The following BSX variants were observed in gnomAD, a reference collection of about 807,000 sequenced individuals.
The protein encoded by BSX is brain specific homeobox, also known as brain-specific homeobox protein homolog.
BSX carries 12 observed loss-of-function variants against 16.9 expected under a neutral mutation model. That is an observed-to-expected ratio of 0.71 (90% CI 0.46 to 1.15). The LOEUF (loss-of-function observed/expected upper bound fraction) is 1.15, where lower values mean the gene tolerates loss of function less well. BSX is among the 50% of genes most tolerant of loss of function. The pLI is 0.00. For synonymous variants in BSX, 160 were observed against 136.4 expected, an observed-to-expected ratio of 1.17 and a Z score of -1.20; for missense variants, 292 against 311.8, an observed-to-expected ratio of 0.94 and a Z score of 0.48.
chr11:122,980,066 T>C (rs934302896), intron 1 of BSX, among the ~76,000 whole-genome samples: 2 of 152,172 alleles, frequency 1.3e-5, no homozygotes, highest in Non-Finnish European at 2.9e-5. Flanking sequence ...AGAGGAGCAT[T>C]TCTCGCCTCT....
rs1267082549 is a variant in BSX, at chr11:122,977,954, T to C, written c.460-63A>G. ...CTCCAAATCTGAGCCATCGCTGGGG[T>C]TTAGGAAAATGGGCTGCAGTCCGTT... On this transcript the variant is annotated intron_variant, in intron 2 of 2. Transcript: ENST00000343035. This position sits in a 1 kb window ranked among gnomAD's most constrained non-coding sequence, Gnocchi z 4.5. 7 of 1,594,724 alleles carry C rather than the reference T, an allele frequency of 4.4e-6. No homozygotes were observed. The highest frequency in any genetic ancestry group is 6.0e-6 in the Non-Finnish European group (7 of 1,172,856).
In BSX at chr11:122,977,785, G is replaced by C. The variant is rs765993014; in HGVS notation, c.566C>G (p.Pro189Arg). ...GGCGGTGGCGGCCTCTGAACCGCGG[G>C]GGCTGCCCTCGGGGCTTTCTGGCCC... ...PDGPESPEGS[P>R]RGSEAATAAE... The change falls in exon 3 of 3, where the codon CCC becomes CGC. Residue 189 changes from proline to arginine, a missense_variant. Around this residue, in one of 3 missense-constraint regions of BSX, gnomAD observed 107 missense variants for 97.1 expected, o/e 1.10. Coordinates refer to ENST00000343035, the MANE Select transcript of BSX (RefSeq NM_001098169.2). The surrounding 1 kb of genome is among the most constrained non-coding windows in gnomAD (Gnocchi z 4.5). The C allele has an allele frequency of 9.9e-6, 16 of 1,613,592 alleles. No individual in the cohort carries two copies. In the East Asian group the frequency reaches 1.6e-4, roughly 16 times the overall value.
intron 1 of BSX, among the ~76,000 whole-genome samples, chr11:122,980,471 G>C (rs192745653): frequency 1.3e-5 from 2 of 152,224 alleles, no homozygotes; most frequent in East Asian, 3.9e-4. Flanking sequence ...TTTTAGCTTT[G>C]TTCTGGATTC....
At chr11:122,978,751 A>T (rs1864528362) in intron 2 of BSX, among the ~76,000 whole-genome samples, 1 of 147,328 alleles carries the variant, frequency 6.8e-6, no homozygotes, top group Non-Finnish European at 1.5e-5. Context: ...GGTAAGTATG[A>T]CATGGGGTTG....
Position 122,981,786 on chromosome 11 carries a change from G to T in BSX, c.-115C>A. The T allele has an allele frequency of 8.9e-7, 1 of 1,128,598 alleles. No homozygotes were observed. The highest frequency in any genetic ancestry group is 1.2e-6 in the Non-Finnish European group (1 of 812,944). The allele number at this position is 1,128,598 out of a possible 1,614,324, so 69.9% of individuals were successfully genotyped here. A position where few individuals can be genotyped will look rare whatever the true frequency, so the allele number is the denominator to read the frequency against. On this transcript the variant is annotated 5_prime_UTR_variant, in exon 1 of 3. Transcript: ENST00000343035. ...ACCCTCCGAGGCTCGAATCTCCGCT[G>T]CTCTCTCCCGGGCCTGGGCTACCCC...
intron 1 of BSX, among the ~76,000 whole-genome samples, chr11:122,980,825 G>A (rs1053024124): frequency 6.6e-6 from 1 of 152,096 alleles, no homozygotes; most frequent in Non-Finnish European, 1.5e-5. Flanking sequence ...TTGAGGATGC[G>A]GAGGGTTAAA....
chr11:122,977,754 C>G lies in BSX; in HGVS notation c.597G>C (p.Glu199Asp). The change falls in exon 3 of 3, where the codon GAG (glutamate) becomes GAC (aspartate). Residue 199 changes from glutamate (E) to aspartate (D), a missense_variant. Coordinates refer to ENST00000343035, the MANE Select transcript of BSX (RefSeq NM_001098169.2). This position sits in a 1 kb window ranked among gnomAD's most constrained non-coding sequence, Gnocchi z 4.5. ...GACCGGCGGGCAGGCTCAGCCGAGC[C>G]TCGGCGGCGGTGGCGGCCTCTGAAC... is the stretch of plus-strand genomic sequence containing the variant. ...PRGSEAATAA[E>D]ARLSLPAGPF... 1 of 1,612,262 alleles carries G rather than the reference C, an allele frequency of 6.2e-7. No individual in the cohort carries two copies. The highest frequency in any genetic ancestry group is 2.2e-5 in the East Asian group (1 of 44,846).
intron 1 of BSX, 76 bp from the exon 2 acceptor site, chr11:122,979,533 C>G (rs1478604490): frequency 1.5e-6 from 2 of 1,339,846 alleles, no homozygotes; most frequent in Non-Finnish European, 2.0e-6. Context: ...CCCCTCCCCT[C>G]CCCTAGCCCC....
intron 1 of BSX, 50 bp from the exon 2 acceptor site, chr11:122,979,507 C>G (rs1465724594): frequency 1.3e-6 from 2 of 1,510,318 alleles, no homozygotes; most frequent in South Asian, 2.4e-5. Context: ...CGCCGGAGAG[C>G]AATCTCCGCT....
In BSX at chr11:122,981,431, G is replaced by A; in HGVS notation, c.241C>T (p.Pro81Ser). 1 of 1,549,890 alleles carries A rather than the reference G, an allele frequency of 6.5e-7. No individual in the cohort carries two copies. The highest frequency in any genetic ancestry group is 8.7e-7 in the Non-Finnish European group (1 of 1,143,796). ...TTACCCGAGGTGGTGAGGAAATAAG[G>A]ATGATGGTGGTCTCCCTTATGCAGA... Reference protein sequence around the residue: ...HPLHKGDHHHPYFLTTSGMPV... With the variant: ...HPLHKGDHHHSYFLTTSGMPV... The change falls in exon 1 of 3, where the codon CCT (proline) becomes TCT (serine). Residue 81 changes from proline to serine, a missense_variant. Physicochemically the swap from Pro to Ser is moderately conservative, Grantham distance 74. Transcript: ENST00000343035.
At chr11:122,981,308 G>A (rs1358946451) in intron 1 of BSX, 102 bp downstream of exon 1, 3 of 1,201,708 alleles carry the variant, frequency 2.5e-6, no homozygotes, top group Admixed American at 3.0e-5. Context: ...ACCAAGCCAG[G>A]CCGAGCCAGT....
At chr11:122,978,385 A>G (rs542906139) in intron 2 of BSX, among the ~76,000 whole-genome samples, 7 of 152,204 alleles carry the variant, frequency 4.6e-5, no homozygotes, top group African/African-American at 1.7e-4. Flanking sequence ...TTGAGGTTGC[A>G]GGTGAATAGC....
At chr11:122,978,995 G>A (rs1864534466) in intron 2 of BSX, among the ~76,000 whole-genome samples, 2 of 151,568 alleles carry the variant, frequency 1.3e-5, no homozygotes, top group African/African-American at 2.4e-5. Context: ...TAGTAGAGAC[G>A]GGGTTTCACC....
chr11:122,978,261 C>T (rs578162615), intron 2 of BSX, among the ~76,000 whole-genome samples: 11 of 152,340 alleles, frequency 7.2e-5, no homozygotes, highest in African/African-American at 2.4e-4. Flanking sequence ...AGAATTGAAA[C>T]TCCGCGTTCT....
At position 122,981,808 on chromosome 11, in the gene BSX, C is replaced by A; in HGVS notation, c.-137G>T. ...GCTGCTCTCTCCCGGGCCTGGGCTA[C>A]CCCGGGCGCTGGAGAGGCAAGAAGA... On this transcript the variant is annotated 5_prime_UTR_variant, in exon 1 of 3. Transcript: ENST00000343035. 1.1e-6 allele frequency: 1 copy of A among 923,914 alleles called. No homozygotes were observed. 57.2% of individuals were successfully genotyped at this position (923,914 alleles called of 1,614,324 possible).
At chr11:122,979,604 TTC>T in intron 1 of BSX, 147 bp from the exon 2 acceptor site, 1 of 573,468 alleles carries the variant, frequency 1.7e-6, no homozygotes, top group Non-Finnish European at 2.9e-6. Context: ...CCTCAAGCCT[TTC>T]TCTCAGGAAT....
rs768056175 is a variant in BSX, at chr11:122,981,548, C to A, written c.124G>T (p.Ala42Ser). ...PLREVAPDHF[A>S]SSLASRVPLL... ...GGCACCCGAGAGGCCAGAGAGCTGGCGAAATGGTCTGGGGCCACCTCTCTC... is the reference window on the plus strand; with the variant it reads ...GGCACCCGAGAGGCCAGAGAGCTGGAGAAATGGTCTGGGGCCACCTCTCTC... The change falls in exon 1 of 3, where the codon GCC becomes TCC. Residue 42 changes from alanine (A) to serine (S), a missense_variant. By Grantham distance (99) the Ala-to-Ser change is moderately conservative. Transcript: ENST00000343035. 6.3e-7 allele frequency: 1 copy of A among 1,599,606 alleles called. No individual in the cohort carries two copies. Among genetic ancestry groups the A allele is most frequent in the Admixed American group, 1.7e-5 (1 of 57,856 alleles).
Position 122,979,315 on chromosome 11 carries a change from C to G in BSX, c.405G>C (p.Leu135=), listed in dbSNP as rs781276087. 5 of 1,614,034 alleles carry G rather than the reference C, an allele frequency of 3.1e-6. No individual in the cohort carries two copies. The highest frequency in any genetic ancestry group is 4.2e-6 in the Non-Finnish European group (5 of 1,180,020). The change falls in exon 2 of 3, where the codon CTG becomes CTC. Residue 135 remains leucine (L), a synonymous_variant. Coordinates refer to ENST00000343035, the MANE Select transcript of BSX (RefSeq NM_001098169.2). ...CCAGCTCCACTCGTTCTGGCGTGGA[C>G]AGGTAGCGCTGGATCTCGAACCTCT... The part of the protein sequence containing the change: ...LEKRFEIQRY[L]STPERVELAT...
At chr11:122,979,541 C>T in intron 1 of BSX, 84 bp from the exon 2 acceptor site, 3 of 1,234,924 alleles carry the variant, frequency 2.4e-6, no homozygotes, top group Non-Finnish European at 3.4e-6. Context: ...CTCCCCTAGC[C>T]CCCAGTGCCT....
Sources: gnomAD v4.1 joint callset for allele counts (sites outside exome capture counted in the v4.1 genomes callset) on GRCh38, gnomAD v4.1.1 for gene constraint, gnomAD v4.1.1 regional missense constraint, Gnocchi (gnomAD v3.1) non-coding constraint, MANE v1.5 for transcripts, NCBI Gene and HGNC (gene_info 2026-07-23, HGNC 2026-07-21) for gene names.